Variants in LYPD6 observed in about 807,000 individuals in gnomAD.
The protein encoded by LYPD6 is ly6/PLAUR domain-containing protein 6.
A neutral mutation model predicts 22.7 loss-of-function variants in LYPD6; 15 were observed. The ratio of observed to expected loss-of-function variants is 0.66; its 90% CI spans 0.44 to 1.02. LYPD6 has a LOEUF of 1.02. LYPD6 is among the 50% of genes least tolerant of loss of function. The pLI is 0.00. For missense variants in LYPD6, 189 were observed against 208.4 expected, an observed-to-expected ratio of 0.91 and a Z score of 0.57; for synonymous variants, 72 against 77.5, an observed-to-expected ratio of 0.93 and a Z score of 0.37.
intron 1 of LYPD6, among the ~76,000 whole-genome samples, chr2:149,404,670 C>T (rs1301383277): frequency 3.3e-5 from 5 of 152,182 alleles, no homozygotes; most frequent in African/African-American, 1.2e-4. Flanking sequence ...ACAATCATGT[C>T]GTCTGCAAAC....
chr2:149,465,757 G>A (rs762339354), intron 3 of LYPD6, among the ~76,000 whole-genome samples: 12 of 152,294 alleles, frequency 7.9e-5, no homozygotes, highest in African/African-American at 2.4e-4. Flanking sequence ...GTGTGCATGC[G>A]TGCACATGGG....
At position 149,470,479 on chromosome 2, in the gene LYPD6, G is replaced by T. The variant is rs72865527; in HGVS notation, c.349-204G>T. On this transcript the variant is annotated intron_variant, in intron 4 of 4. Coordinates refer to ENST00000334166, the MANE Select transcript of LYPD6 (RefSeq NM_194317.5). Reference sequence around the variant, plus strand: ...ACAAAACCTAGCTCTCTTGAAGTTTGGCCTGGGGAGTTTTCATGTTGACCA... The same window carrying T: ...ACAAAACCTAGCTCTCTTGAAGTTTTGCCTGGGGAGTTTTCATGTTGACCA... Among the ~76,000 whole-genome samples the T allele has an allele frequency of 4.3e-3, 648 of 152,244 alleles. 7 individuals carry two copies. The highest frequency in any genetic ancestry group is 0.02 in the South Asian group (95 of 4,828).
chr2:149,351,856 G>A (rs1402324401), intron 1 of LYPD6, among the ~76,000 whole-genome samples: 3 of 151,812 alleles, frequency 2.0e-5, no homozygotes, highest in Non-Finnish European at 4.4e-5. Flanking sequence ...ATCACACTCC[G>A]GGAGCATGGT....
At chr2:149,423,566 G>A (rs146311550) in intron 1 of LYPD6, among the ~76,000 whole-genome samples, 8 of 152,108 alleles carry the variant, frequency 5.3e-5, no homozygotes, top group African/African-American at 1.9e-4. Context: ...GTCCTAGCCA[G>A]GGTGGCAGGA....
chr2:149,464,744 G>A (rs981744915), intron 3 of LYPD6, among the ~76,000 whole-genome samples: 4 of 152,068 alleles, frequency 2.6e-5, no homozygotes, highest in African/African-American at 9.7e-5. Flanking sequence ...AATGAGGTCC[G>A]GAATTGAGGA....
intron 1 of LYPD6, among the ~76,000 whole-genome samples, chr2:149,422,313 G>C (rs1373498468): frequency 2.0e-5 from 3 of 152,182 alleles, no homozygotes; most frequent in African/African-American, 7.2e-5. Flanking sequence ...CAGTCAGCGT[G>C]CTAGGCTGAG....
chr2:149,370,424 G>C (rs374553744), intron 1 of LYPD6: 2 of 152,132 alleles, frequency 1.3e-5, no homozygotes, highest in African/African-American at 4.8e-5. Flanking sequence ...TTACTCATGA[G>C]GGTGGAGCCC....
rs970788428 is a variant in LYPD6 at position 149,449,371 on chromosome 2, C to T, written c.217+224C>T. ...TTTCTCATGAAGTATTTTTGGCACT[C>T]CACAGGAGGTGATACCTTCGCCTGT... On this transcript the variant is annotated intron_variant, in intron 3 of 4. Transcript: ENST00000334166. Among the ~76,000 whole-genome samples, 74 of 152,206 alleles carry T rather than the reference C, an allele frequency of 4.9e-4. 1 individual carries two copies. The highest frequency in any genetic ancestry group is 2.9e-4 in the Non-Finnish European group (20 of 68,046).
chr2:149,453,271 T>G (rs1680876537), intron 3 of LYPD6, among the ~76,000 whole-genome samples: 1 of 152,218 alleles, frequency 6.6e-6, no homozygotes. Flanking sequence ...GATCTACGTT[T>G]GCCCATGACT....
intron 1 of LYPD6, among the ~76,000 whole-genome samples, chr2:149,402,436 AT>A (rs1048385535): frequency 3.9e-5 from 6 of 152,094 alleles, no homozygotes; most frequent in Non-Finnish European, 8.8e-5. Context: ...TGGTAGATCT[AT>A]TTTTAGTTCA....
upstream of LYPD6, chr2:149,330,526 G>GGCGCGAGTGGGAGTGGC (rs1559114237): frequency 1.3e-5 from 2 of 149,606 alleles, no homozygotes. Context: ...GCCAGTGCCC[G>GGCGCGAGTGGGAGTGGC]GCGCGAGTGG....
At chr2:149,361,991 A>G (rs1392203734) in intron 1 of LYPD6, among the ~76,000 whole-genome samples, 1 of 152,170 alleles carries the variant, frequency 6.6e-6, no homozygotes, top group Non-Finnish European at 1.5e-5. Flanking sequence ...AAAGGAAGGC[A>G]CCATGAGCCA....
chr2:149,485,210 C>T, the LYPD6 span, among the ~76,000 whole-genome samples: 1 of 152,028 alleles, frequency 6.6e-6, no homozygotes, highest in African/African-American at 2.4e-5. Flanking sequence ...CCTTATGCTC[C>T]TGAGGGGAGA....
chr2:149,343,243 G>A (rs1054426533), intron 1 of LYPD6, among the ~76,000 whole-genome samples: 1 of 152,004 alleles, frequency 6.6e-6, no homozygotes, highest in Non-Finnish European at 1.5e-5. Flanking sequence ...GAATAAGATC[G>A]AACATGGAAA....
intron 1 of LYPD6, among the ~76,000 whole-genome samples, chr2:149,412,776 TATC>T (rs1472229662): frequency 2.6e-5 from 4 of 152,160 alleles, no homozygotes; most frequent in Admixed American, 2.0e-4. Context: ...TAAAAAGTAA[TATC>T]ATATTAGGAT....
At chr2:149,366,621 A>T (rs1681672801) in intron 1 of LYPD6, among the ~76,000 whole-genome samples, 1 of 152,148 alleles carries the variant, frequency 6.6e-6, no homozygotes, top group African/African-American at 2.4e-5. Flanking sequence ...GGCCCAGAGG[A>T]AGGTTTTCAT....
At chr2:149,361,261 C>T (rs892554407) in intron 1 of LYPD6, among the ~76,000 whole-genome samples, 2 of 152,164 alleles carry the variant, frequency 1.3e-5, no homozygotes, top group Middle Eastern at 3.2e-3. Flanking sequence ...AGATTTAAGT[C>T]AGTGCCTTCT....
chr2:149,480,418 ACC>A, the LYPD6 span, among the ~76,000 whole-genome samples: 1 of 151,658 alleles, frequency 6.6e-6, no homozygotes, highest in South Asian at 2.1e-4. Context: ...TGACCTGGTA[ACC>A]CCCTTTATAC....
intron 1 of LYPD6, among the ~76,000 whole-genome samples, chr2:149,351,392 T>TAAAAA (rs71397025): frequency 9.8e-4 from 81 of 82,802 alleles, no homozygotes; most frequent in East Asian, 3.7e-3. Flanking sequence ...AGACTCCATC[T>TAAAAA]AAAAAAAAAA....
Sources: allele counts gnomAD v4.1 joint callset (sites outside exome capture counted in the v4.1 genomes callset), GRCh38; gene constraint gnomAD v4.1.1; transcripts MANE v1.5; gene names NCBI Gene and HGNC (gene_info 2026-07-23, HGNC 2026-07-21).